ZNF804A: variants seen among roughly 807,000 people sequenced by gnomAD.
ZNF804A encodes zinc finger protein 804A.
In ZNF804A, 2 loss-of-function variants were observed where a neutral mutation model predicts 16.5. The ratio of observed to expected loss-of-function variants is 0.12; its 90% CI spans 0.05 to 0.38. The LOEUF is 0.38. Ranked by LOEUF, ZNF804A falls within the 10% of genes least tolerant of loss-of-function variation. The pLI is 0.99. For synonymous variants in ZNF804A, 534 were observed against 489.6 expected, an observed-to-expected ratio of 1.09 and a Z score of -1.20; for missense variants, 1,473 against 1,390.7, an observed-to-expected ratio of 1.06 and a Z score of -0.94.
Position 184,935,990 on chromosome 2 carries a change from C to T in ZNF804A, c.594C>T (p.Asn198=). 2 of 1,613,962 alleles carry T rather than the reference C, an allele frequency of 1.2e-6. No homozygotes were observed. Among genetic ancestry groups the T allele is most frequent in the South Asian group, 1.1e-5 (1 of 91,080 alleles). The change falls in exon 4 of 4, where the codon AAC becomes AAT. Residue 198 remains asparagine (N), a synonymous_variant. Coordinates refer to ENST00000302277, the MANE Select transcript of ZNF804A (RefSeq NM_194250.2). ...CAAATAATTATACAGCAAAAAATAA[C>T]CAAGTTGGGGATCAAGCCCAGGGGA... is the stretch of plus-strand genomic sequence containing the variant. ...ESANNYTAKN[N]QVGDQAQGIH...
Position 184,703,130 on chromosome 2 carries a change from C to T in ZNF804A, c.111+104060C>T, listed in dbSNP as rs907722916. ...ACAAAGGCTTCTTTTTCTTACATTT[C>T]GTGAAGTGTTTACTACCCAAATAAT... On this transcript the variant is annotated intron_variant, in intron 1 of 3. Transcript: ENST00000302277. Among the ~76,000 whole-genome samples, 8 of 151,988 alleles carry T rather than the reference C, an allele frequency of 5.3e-5. No individual in the cohort carries two copies. In the East Asian group the frequency reaches 5.8e-4, roughly 11 times the overall value.
chr2:184,630,996 T>A (rs1167107859), intron 1 of ZNF804A, among the ~76,000 whole-genome samples: 1 of 152,166 alleles, frequency 6.6e-6, no homozygotes, highest in African/African-American at 2.4e-5. Flanking sequence ...ATATTTTTGG[T>A]CTGTGAAAAT....
At chr2:184,699,831 A>G (rs572556898) in intron 1 of ZNF804A, among the ~76,000 whole-genome samples, 2 of 152,226 alleles carry the variant, frequency 1.3e-5, no homozygotes, top group Admixed American at 1.3e-4. Context: ...ATTGTTATCA[A>G]CTTTGTATAG....
At chr2:184,809,306 G>A (rs1203510134) in intron 1 of ZNF804A, among the ~76,000 whole-genome samples, 3 of 151,434 alleles carry the variant, frequency 2.0e-5, no homozygotes, top group African/African-American at 7.3e-5. Flanking sequence ...TAAGTGGAAG[G>A]GACTCAAGAA....
At chr2:184,916,192 C>T (rs1053986440) in intron 2 of ZNF804A, among the ~76,000 whole-genome samples, 1 of 152,074 alleles carries the variant, frequency 6.6e-6, no homozygotes, top group African/African-American at 2.4e-5. Flanking sequence ...TCAAAGGAAG[C>T]TTTAAGCCTA....
At chr2:184,654,241 G>T (rs1692039788) in intron 1 of ZNF804A, among the ~76,000 whole-genome samples, 1 of 152,214 alleles carries the variant, frequency 6.6e-6, no homozygotes, top group Non-Finnish European at 1.5e-5. Flanking sequence ...AAAGAAATGG[G>T]CAAGGCCTTA....
chr2:184,928,146 G>A (rs1042242221), intron 2 of ZNF804A, among the ~76,000 whole-genome samples: 2 of 152,136 alleles, frequency 1.3e-5, no homozygotes, highest in African/African-American at 2.4e-5. Flanking sequence ...TACTACCTGG[G>A]TATTGCTGCT....
At chr2:184,922,769 C>T (rs1574272232) in intron 2 of ZNF804A, among the ~76,000 whole-genome samples, 1 of 152,144 alleles carries the variant, frequency 6.6e-6, no homozygotes. Flanking sequence ...TAATTTCTTT[C>T]TTCTGCATAT....
At chr2:184,931,472 T>C (rs1039172410) in intron 2 of ZNF804A, among the ~76,000 whole-genome samples, 3 of 152,178 alleles carry the variant, frequency 2.0e-5, no homozygotes, top group African/African-American at 7.2e-5. Context: ...ACTTCGGGCT[T>C]GCACCCTCTG....
chr2:184,855,172 A>G (rs1558983153), intron 1 of ZNF804A, among the ~76,000 whole-genome samples: 2 of 152,174 alleles, frequency 1.3e-5, no homozygotes, highest in East Asian at 1.9e-4. Flanking sequence ...TAAGGATGCC[A>G]TGGGTAGAAT....
intron 1 of ZNF804A, among the ~76,000 whole-genome samples, chr2:184,832,247 T>G (rs1278791222): frequency 6.6e-6 from 1 of 152,008 alleles, no homozygotes; most frequent in African/African-American, 2.4e-5. Context: ...ATCTCCTGTT[T>G]TGCAATTATA....
chr2:184,705,447 A>C (rs1693008242), intron 1 of ZNF804A, among the ~76,000 whole-genome samples: 2 of 152,186 alleles, frequency 1.3e-5, no homozygotes, highest in African/African-American at 4.8e-5. Flanking sequence ...CGTGTATATG[A>C]AGAGTGTAGC....
At chr2:184,796,505 A>C (rs1012637149) in intron 1 of ZNF804A, among the ~76,000 whole-genome samples, 8 of 152,038 alleles carry the variant, frequency 5.3e-5, no homozygotes, top group Non-Finnish European at 1.0e-4. Context: ...TTTCTAGTTT[A>C]TGTGCATAAA....
intron 1 of ZNF804A, among the ~76,000 whole-genome samples, chr2:184,671,717 G>C (rs1475338314): frequency 6.6e-6 from 1 of 152,134 alleles, no homozygotes; most frequent in African/African-American, 2.4e-5. Flanking sequence ...TCAATTGATT[G>C]ATAAGCCATC....
At chr2:184,816,310 T>A (rs944844622) in intron 1 of ZNF804A, among the ~76,000 whole-genome samples, 5 of 152,018 alleles carry the variant, frequency 3.3e-5, no homozygotes, top group African/African-American at 1.2e-4. Flanking sequence ...CTCTCCCTCC[T>A]ACCTAATTCT....
intron 1 of ZNF804A, among the ~76,000 whole-genome samples, chr2:184,677,444 C>A (rs557776256): frequency 1.2e-4 from 18 of 151,808 alleles, no homozygotes; most frequent in African/African-American, 4.1e-4. Flanking sequence ...GTGGTGTAGA[C>A]AGTACACGGT....
intron 1 of ZNF804A, among the ~76,000 whole-genome samples, chr2:184,834,647 A>G (rs759206129): frequency 4.6e-5 from 7 of 152,068 alleles, no homozygotes. Flanking sequence ...TCAGTCTAGT[A>G]TTTCTCATTT....
chr2:184,878,224 C>A (rs1003180331), intron 2 of ZNF804A, among the ~76,000 whole-genome samples: 1 of 152,016 alleles, frequency 6.6e-6, no homozygotes, highest in African/African-American at 2.4e-5. Context: ...ACCTGGTAAT[C>A]CTGCTATGGA....
intron 1 of ZNF804A, among the ~76,000 whole-genome samples, chr2:184,664,488 C>G (rs1002103431): frequency 6.6e-6 from 1 of 152,102 alleles, no homozygotes; most frequent in African/African-American, 2.4e-5. Flanking sequence ...AATTCTGATC[C>G]TAAACTATTT....
Sources: allele counts gnomAD v4.1 joint callset (sites outside exome capture counted in the v4.1 genomes callset), GRCh38; gene constraint gnomAD v4.1.1; transcripts MANE v1.5; gene names NCBI Gene and HGNC (gene_info 2026-07-23, HGNC 2026-07-21).